QNG1: variants seen among roughly 807,000 people sequenced by gnomAD.
QNG1 encodes queuosine 5'-phosphate N-glycosylase/hydrolase.
At chr9:83,943,352 A>G in the QNG1 span, among the ~76,000 whole-genome samples, 1 of 148,918 alleles carries the variant, frequency 6.7e-6, no homozygotes, top group South Asian at 2.1e-4. Flanking sequence ...AAAAAAAAAA[A>G]AAAAAAGAAA....
the QNG1 span, among the ~76,000 whole-genome samples, chr9:83,940,364 G>C: frequency 6.6e-5 from 10 of 152,104 alleles, no homozygotes; most frequent in Non-Finnish European, 1.5e-4. Flanking sequence ...TGAGGTGGGA[G>C]GGTCGCTTGA....
At chr9:83,948,130 G>A in the QNG1 span, among the ~76,000 whole-genome samples, 36 of 149,144 alleles carry the variant, frequency 2.4e-4, no homozygotes, top group South Asian at 7.3e-3. Flanking sequence ...CCGCCGCCCC[G>A]TCTGGGATGT....
chr9:83,956,558 A>T, the QNG1 span: 1 of 1,430,114 alleles, frequency 7.0e-7, no homozygotes, highest in South Asian at 1.4e-5. Context: ...GTCAAGGTCC[A>T]CTCTGCGCCT....
At chr9:83,945,687 C>T in the QNG1 span, among the ~76,000 whole-genome samples, 3 of 152,022 alleles carry the variant, frequency 2.0e-5, no homozygotes, top group South Asian at 2.1e-4. Flanking sequence ...CTGCAAGCTC[C>T]GCCTCCTGGG....
the QNG1 span, chr9:83,939,825 G>C: frequency 2.3e-6 from 2 of 865,628 alleles, no homozygotes; most frequent in African/African-American, 3.3e-5. Flanking sequence ...ACAAAACAGA[G>C]TATTTAAATG....
the QNG1 span, among the ~76,000 whole-genome samples, chr9:83,941,642 G>T: frequency 6.6e-6 from 1 of 152,176 alleles, no homozygotes; most frequent in Non-Finnish European, 1.5e-5. Context: ...GTCGGGTGCA[G>T]TGGCTCATGC....
the QNG1 span, among the ~76,000 whole-genome samples, chr9:83,954,226 A>G: frequency 2.6e-5 from 4 of 152,130 alleles, no homozygotes; most frequent in African/African-American, 9.7e-5. Flanking sequence ...AGGTTAGTAT[A>G]CATTCTGATC....
At chr9:83,938,494 C>A in the QNG1 span, 6 of 152,162 alleles carry the variant, frequency 3.9e-5, no homozygotes, top group African/African-American at 1.4e-4. Context: ...TCAAAAACCT[C>A]TCTCTTTTTT....
chr9:83,956,096 C>T, the QNG1 span: 1 of 1,530,852 alleles, frequency 6.5e-7, no homozygotes, highest in Non-Finnish European at 8.9e-7. Flanking sequence ...TTGGAACTCC[C>T]CTACACACAC....
the QNG1 span, among the ~76,000 whole-genome samples, chr9:83,941,216 G>A: frequency 1.3e-5 from 2 of 152,150 alleles, no homozygotes; most frequent in African/African-American, 4.8e-5. Flanking sequence ...AAATTTTAGC[G>A]TAATTTGTTA....
the QNG1 span, among the ~76,000 whole-genome samples, chr9:83,948,770 A>T: frequency 1.3e-5 from 2 of 152,218 alleles, no homozygotes; most frequent in African/African-American, 2.4e-5. Context: ...CTGCCTTGGG[A>T]TGCTGTTAAT....
the QNG1 span, among the ~76,000 whole-genome samples, chr9:83,948,130 G>C: frequency 6.7e-6 from 1 of 149,020 alleles, no homozygotes; most frequent in Admixed American, 6.7e-5. Flanking sequence ...CCGCCGCCCC[G>C]TCTGGGATGT....
At chr9:83,953,114 C>T in the QNG1 span, among the ~76,000 whole-genome samples, 60 of 150,918 alleles carry the variant, frequency 4.0e-4, no homozygotes, top group Non-Finnish European at 6.6e-4. Flanking sequence ...ACTAAAAATA[C>T]AAAATTAGCT....
At chr9:83,945,804 G>A in the QNG1 span, among the ~76,000 whole-genome samples, 1 of 151,826 alleles carries the variant, frequency 6.6e-6, no homozygotes, top group Admixed American at 6.6e-5. Context: ...GGGTTTCACT[G>A]TGTTAGCCGG....
the QNG1 span, among the ~76,000 whole-genome samples, chr9:83,954,476 G>A: frequency 2.0e-5 from 3 of 152,144 alleles, no homozygotes; most frequent in Non-Finnish European, 4.4e-5. Context: ...CAGCTACTCA[G>A]GAGGCAAAGG....
chr9:83,953,346 C>CTT, the QNG1 span, among the ~76,000 whole-genome samples: 7 of 143,980 alleles, frequency 4.9e-5, no homozygotes, highest in Admixed American at 7.0e-5. Context: ...CAATTGAATT[C>CTT]TTTTTTTTTT....
the QNG1 span, among the ~76,000 whole-genome samples, chr9:83,942,733 C>G: frequency 1.3e-5 from 2 of 152,218 alleles, no homozygotes; most frequent in Admixed American, 1.3e-4. Context: ...CTTAAATGCA[C>G]TAAGTGGCAA....
At chr9:83,956,350 C>T in the QNG1 span, 2 of 1,611,382 alleles carry the variant, frequency 1.2e-6, no homozygotes, top group Non-Finnish European at 1.7e-6. Context: ...TCATGAAGGG[C>T]TTTCCACCCC....
At chr9:83,951,202 G>A in the QNG1 span, among the ~76,000 whole-genome samples, 2 of 152,070 alleles carry the variant, frequency 1.3e-5, no homozygotes, top group Admixed American at 6.6e-5. Flanking sequence ...CTTGGGAGGC[G>A]GAGGTTGCAG....
Sources: gnomAD v4.1 joint callset for allele counts (sites outside exome capture counted in the v4.1 genomes callset) on GRCh38, gnomAD v4.1.1 for gene constraint, MANE v1.5 for transcripts, NCBI Gene and HGNC (gene_info 2026-07-23, HGNC 2026-07-21) for gene names.